Variants in ST3GAL2 observed in about 807,000 individuals in gnomAD.
The protein encoded by ST3GAL2 is ST3 beta-galactoside alpha-2,3-sialyltransferase 2.
Under a neutral mutation model 37.5 loss-of-function variants are expected in ST3GAL2, and 16 were observed. The observed-to-expected ratio is 0.43, with a 90% CI of 0.29 to 0.65. The LOEUF is 0.65. ST3GAL2 is among the 30% of genes least tolerant of loss of function. ST3GAL2 has a pLI of 0.17. For synonymous variants in ST3GAL2, 238 were observed against 202.9 expected (o/e 1.17, Z -1.47); for missense variants, 383 against 487.8 (o/e 0.79, Z 2.02).
At position 70,399,455 on chromosome 16, in the gene ST3GAL2, C is replaced by G. The variant is rs1263265821; in HGVS notation, c.-925G>C. On this transcript the variant is annotated 5_prime_UTR_variant, in exon 2 of 7. Transcript: ENST00000342907. ...CCATCCCCACTCCCCCGGGGCCAGC[C>G]TATCCTGCTGTGAGCTCACAGTAAT... The G allele has an allele frequency of 2.5e-6, 1 of 398,620 alleles. No individual in the cohort carries two copies. Among genetic ancestry groups the G allele is most frequent in the African/African-American group, 2.1e-5 (1 of 48,640 alleles). The allele number at this position is 398,620 out of a possible 1,614,324, so 24.7% of individuals were successfully genotyped here. A position where few individuals can be genotyped will look rare whatever the true frequency, so the allele number is the denominator to read the frequency against.
At chr16:70,387,137 T>A (rs1324007834) in intron 4 of ST3GAL2, among the ~76,000 whole-genome samples, 1 of 152,120 alleles carries the variant, frequency 6.6e-6, no homozygotes, top group Non-Finnish European at 1.5e-5. Context: ...ATGCCTGTGA[T>A]CCCAGCTACT....
chr16:70,438,530 T>C (rs1349849116), intron 1 of ST3GAL2, among the ~76,000 whole-genome samples: 1 of 152,094 alleles, frequency 6.6e-6, no homozygotes, highest in Non-Finnish European at 1.5e-5. Flanking sequence ...GCAGACAGGC[T>C]CTGGCCAAGA....
chr16:70,429,715 C>T (rs2151680277), intron 1 of ST3GAL2, among the ~76,000 whole-genome samples: 1 of 143,736 alleles, frequency 7.0e-6, no homozygotes, highest in East Asian at 2.2e-4. Context: ...GATCACGGCT[C>T]ACTGTAACCT....
At chr16:70,415,594 G>A (rs1022299008) in intron 1 of ST3GAL2, among the ~76,000 whole-genome samples, 6 of 151,532 alleles carry the variant, frequency 4.0e-5, no homozygotes, top group African/African-American at 7.3e-5. Flanking sequence ...TGGGACTACC[G>A]GAGTGTGCCA....
At chr16:70,390,335 G>A (rs1241859890) in intron 3 of ST3GAL2, among the ~76,000 whole-genome samples, 3 of 152,226 alleles carry the variant, frequency 2.0e-5, no homozygotes, top group African/African-American at 4.8e-5. Flanking sequence ...AGCCTCCTGA[G>A]TAGCCATAAC....
Position 70,406,957 on chromosome 16 carries a change from C to CCTG in ST3GAL2, c.-1003-7425_-1003-7424insCAG, listed in dbSNP as rs1242494217. ...CGGGAGCAGCACGAGATGATGGCAT[C>CCTG]GAGTGTCGTCCTGGAGGGGGGCTAC... On this transcript the variant is annotated intron_variant, in intron 1 of 6. Transcript: ENST00000342907. Among the ~76,000 whole-genome samples, 3 of 152,064 alleles carry CCTG rather than the reference C, an allele frequency of 2.0e-5. No homozygotes were observed. The South Asian group carries it at 6.2e-4, about 31-fold the overall frequency.
Position 70,380,802 on chromosome 16 carries a change from C to T in ST3GAL2, c.*887G>A, listed in dbSNP as rs2047395632. ...CGGGCCCATAGCCAGCCTCCTTCCG[C>T]CGTGCAGCCCCCTCCCCAGGGGCCA... On this transcript the variant is annotated 3_prime_UTR_variant, in exon 7 of 7. Transcript: ENST00000342907. The T allele has an allele frequency of 6.5e-6, 1 of 152,728 alleles. No individual in the cohort carries two copies. The highest frequency in any genetic ancestry group is 2.4e-5 in the African/African-American group (1 of 41,484). 9.5% of individuals were successfully genotyped at this position (152,728 alleles called of 1,614,324 possible). A position where few individuals can be genotyped will look rare whatever the true frequency, so the allele number is the denominator to read the frequency against.
At chr16:70,415,559 C>A (rs2047670835) in intron 1 of ST3GAL2, among the ~76,000 whole-genome samples, 1 of 152,116 alleles carries the variant, frequency 6.6e-6, no homozygotes, top group Admixed American at 6.6e-5. Context: ...TCAAGCGATT[C>A]TCCTGCCTCA....
chr16:70,388,616 T>C (rs1486601690), intron 3 of ST3GAL2, 70 bp from the exon 4 acceptor site: 10 of 1,499,088 alleles, frequency 6.7e-6, no homozygotes, highest in Non-Finnish European at 8.9e-6. Flanking sequence ...TAGAGGACAG[T>C]TCGAAGCCAT....
intron 1 of ST3GAL2, among the ~76,000 whole-genome samples, chr16:70,414,963 TC>T (rs2047665491): frequency 6.6e-6 from 1 of 152,128 alleles, no homozygotes; most frequent in African/African-American, 2.4e-5. Context: ...AAGCTCCACC[TC>T]CCGGGTTCAT....
Position 70,379,757 on chromosome 16 carries a change from G to C in ST3GAL2, c.*1932C>G, listed in dbSNP as rs1317367342. 6.6e-6 allele frequency: 1 copy of C among 151,822 alleles called. No individual in the cohort carries two copies. The highest frequency in any genetic ancestry group is 1.5e-5 in the Non-Finnish European group (1 of 68,046). The allele number at this position is 151,822 out of a possible 1,614,324, so 9.4% of individuals were successfully genotyped here. A position where few individuals can be genotyped will look rare whatever the true frequency, so the allele number is the denominator to read the frequency against. On this transcript the variant is annotated 3_prime_UTR_variant, in exon 7 of 7. Coordinates refer to ENST00000342907, the MANE Select transcript of ST3GAL2 (RefSeq NM_006927.4). ...CTGCCTCAGCCTTCCAAGTAGCTGG[G>C]ATTACAGGTGCGCACCACTGCGCCT...
chr16:70,380,582 A>T lies in ST3GAL2; in HGVS notation c.*1107T>A, dbSNP rs1411984186. On this transcript the variant is annotated 3_prime_UTR_variant, in exon 7 of 7. Transcript: ENST00000342907. Reference sequence around the variant, plus strand: ...GGGAGATGGAGAGCAGGGTGGAGGCAGGCGGCTTGCGGCGCGCAAGTCTCC... The same window carrying T: ...GGGAGATGGAGAGCAGGGTGGAGGCTGGCGGCTTGCGGCGCGCAAGTCTCC... The T allele has an allele frequency of 6.6e-6, 1 of 152,324 alleles. No individual in the cohort carries two copies. Among genetic ancestry groups the T allele is most frequent in the Admixed American group, 6.5e-5 (1 of 15,274 alleles). The allele number at this position is 152,324 out of a possible 1,614,324, so 9.4% of individuals were successfully genotyped here. A position where few individuals can be genotyped will look rare whatever the true frequency, so the allele number is the denominator to read the frequency against.
At chr16:70,384,966 G>A (rs2047432185) in intron 4 of ST3GAL2, among the ~76,000 whole-genome samples, 1 of 151,048 alleles carries the variant, frequency 6.6e-6, no homozygotes, top group Admixed American at 6.6e-5. Context: ...CCAAGATCAT[G>A]CCATTGCACT....
Position 70,395,228 on chromosome 16 carries a change from A to G in ST3GAL2, c.340-53T>C, listed in dbSNP as rs900793529. On this transcript the variant is annotated intron_variant, in intron 2 of 6. Transcript: ENST00000342907. ...CGAGGAAGGGGAGAGGTGTGTGAAG[A>G]AGGAGGGGCCCCGGCCTCCCCTCCT... The G allele has an allele frequency of 2.8e-5, 43 of 1,540,514 alleles. No homozygotes were observed. The African/African-American group carries it at 4.6e-4, about 16-fold the overall frequency.
At chr16:70,403,953 C>A (rs2047572496) in intron 1 of ST3GAL2, among the ~76,000 whole-genome samples, 1 of 151,992 alleles carries the variant, frequency 6.6e-6, no homozygotes, top group Non-Finnish European at 1.5e-5. Flanking sequence ...CGTGATCATG[C>A]CATGGCACTC....
At chr16:70,388,618 C>G (rs188205698) in intron 3 of ST3GAL2, 72 bp from the exon 4 acceptor site, 1 of 1,493,558 alleles carries the variant, frequency 6.7e-7, no homozygotes, top group East Asian at 2.3e-5. Context: ...GAGGACAGTT[C>G]GAAGCCATCC....
intron 1 of ST3GAL2, among the ~76,000 whole-genome samples, chr16:70,412,646 T>C (rs2047647056): frequency 6.6e-6 from 1 of 152,202 alleles, no homozygotes; most frequent in South Asian, 2.1e-4. Context: ...TAAAGTTATA[T>C]TATTATCTGC....
intron 1 of ST3GAL2, among the ~76,000 whole-genome samples, chr16:70,432,038 GCTA>G (rs2047794951): frequency 6.6e-6 from 1 of 151,456 alleles, no homozygotes; most frequent in Admixed American, 6.6e-5. Flanking sequence ...AGTTGCTGCA[GCTA>G]CTCAGGAAGC....
intron 3 of ST3GAL2, chr16:70,393,844 T>C (rs1434200712): frequency 1.3e-5 from 2 of 152,158 alleles, no homozygotes; most frequent in Non-Finnish European, 2.9e-5. Context: ...CGTGTTGCTA[T>C]GGAGACAGCA....
Sources: gnomAD v4.1 joint callset for allele counts (sites outside exome capture counted in the v4.1 genomes callset) on GRCh38, gnomAD v4.1.1 for gene constraint, MANE v1.5 for transcripts, NCBI Gene and HGNC (gene_info 2026-07-23, HGNC 2026-07-21) for gene names.